The following BDNF variants were observed in gnomAD, a reference collection of about 807,000 sequenced individuals.
The protein encoded by BDNF is brain derived neurotrophic factor.
BDNF carries 1 observed loss-of-function variant against 19.5 expected under a neutral mutation model. The observed-to-expected ratio is 0.05, with a 90% CI of 0.02 to 0.24. The LOEUF (loss-of-function observed/expected upper bound fraction) is 0.24, where lower values mean the gene tolerates loss of function less well. Ranked by LOEUF, BDNF falls within the 10% of genes least tolerant of loss-of-function variation. The pLI, the probability that BDNF is intolerant of heterozygous loss-of-function variation, is 1.00. For missense variants in BDNF, 195 were observed against 317.6 expected (o/e 0.61, Z 2.93); for synonymous variants, 100 against 121.6 (o/e 0.82, Z 1.17).
chr11:27,705,952 G>A (rs1029007790), intron 1 of BDNF, among the ~76,000 whole-genome samples: 29 of 152,260 alleles, frequency 1.9e-4, no homozygotes, highest in African/African-American at 6.7e-4. Flanking sequence ...TTTAATCCAT[G>A]GTGACACTTG....
rs1171614246 is a variant in BDNF, at chr11:27,657,426, G to T, written c.*395C>A. 9.6e-7 allele frequency: 1 copy of T among 1,043,614 alleles called. No individual in the cohort carries two copies. The highest frequency in any genetic ancestry group is 3.4e-5 in the South Asian group (1 of 29,612). 64.6% of individuals were successfully genotyped at this position (1,043,614 alleles called of 1,614,324 possible). A position where few individuals can be genotyped will look rare whatever the true frequency, so the allele number is the denominator to read the frequency against. On this transcript the variant is annotated 3_prime_UTR_variant, in exon 2 of 2. Transcript: ENST00000356660. This position sits in a 1 kb window ranked among gnomAD's most constrained non-coding sequence, Gnocchi z 5.0. ...ATACTTACTGTCTAAAATGTAAACG[G>T]AATGTTTTGGTTCAAATTTTTGTTG...
chr11:27,670,028 C>G (rs937028958), intron 1 of BDNF, among the ~76,000 whole-genome samples: 14 of 152,138 alleles, frequency 9.2e-5, no homozygotes, highest in Non-Finnish European at 2.1e-4. Context: ...GCTACAGTAA[C>G]CAAAACAGCA....
At chr11:27,699,403 C>T in intron 1 of BDNF, 1 of 1,614,148 alleles carries the variant, frequency 6.2e-7, no homozygotes, top group South Asian at 1.1e-5. Flanking sequence ...CCCGGCTCTG[C>T]ATCCCCAGAG....
At chr11:27,718,354 A>ACCCCCCCCCCCCCCCCCCC (rs376255605) in intron 1 of BDNF, among the ~76,000 whole-genome samples, 8 of 101,108 alleles carry the variant, frequency 7.9e-5, no homozygotes, top group Non-Finnish European at 1.4e-4. Context: ...TCCGCACACC[A>ACCCCCCCCCCCCCCCCCCC]CCCCCCCCCG....
Position 27,658,175 on chromosome 11 carries a change from A to C in BDNF, c.390T>G (p.Ser130=). Residue 130 remains serine (S), a synonymous_variant, in exon 2 of 2, where the codon TCT becomes TCG. Coordinates refer to ENST00000356660, the MANE Select transcript of BDNF (RefSeq NM_001709.5). This position sits in a 1 kb window ranked among gnomAD's most constrained non-coding sequence, Gnocchi z 5.7. ...ANMSMRVRRH[S]DPARRGELSV... ...TCAGCTCCCCTCGGCGGGCAGGGTC[A>C]GAGTGGCGCCGGACCCTCATGGACA... 1 of 1,614,166 alleles carries C rather than the reference A, an allele frequency of 6.2e-7. No homozygotes were observed. The highest frequency in any genetic ancestry group is 8.5e-7 in the Non-Finnish European group (1 of 1,180,030).
chr11:27,669,357 T>C (rs1041746533), intron 1 of BDNF, among the ~76,000 whole-genome samples: 1 of 152,172 alleles, frequency 6.6e-6, no homozygotes, highest in Non-Finnish European at 1.5e-5. Context: ...AAAACAAGGA[T>C]GTCCTCTGTC....
chr11:27,690,681 C>G (rs1433411183), intron 1 of BDNF, among the ~76,000 whole-genome samples: 6 of 152,144 alleles, frequency 3.9e-5, no homozygotes, highest in African/African-American at 1.4e-4. Context: ...CAAAGAGATA[C>G]TGTTACTAAA....
At chr11:27,681,780 T>C (rs1413690165) in intron 1 of BDNF, among the ~76,000 whole-genome samples, 1 of 152,126 alleles carries the variant, frequency 6.6e-6, no homozygotes, top group Non-Finnish European at 1.5e-5. Context: ...GTGGCTGAAA[T>C]TCATTAAGCA....
chr11:27,666,154 CAG>C (rs201107956), intron 1 of BDNF, among the ~76,000 whole-genome samples: 17,222 of 152,136 alleles, frequency 0.11, 2,452 homozygotes, highest in African/African-American at 0.3. Flanking sequence ...CCCAAGCAAA[CAG>C]GGTCTGGAGT....
chr11:27,658,206 G>A lies in BDNF; in HGVS notation c.359C>T (p.Ala120Val). ...GCGCCGGACCCTCATGGACATGTTTGCAGCATCTAGGTAATTTTTGTATTC... is the reference window on the plus strand; with the variant it reads ...GCGCCGGACCCTCATGGACATGTTTACAGCATCTAGGTAATTTTTGTATTC... The part of the protein sequence containing the change: ...LEEYKNYLDA[A>V]NMSMRVRRHS... Residue 120 changes from alanine to valine, a missense_variant, in exon 2 of 2, where the codon GCA becomes GTA. This residue lies in a region of BDNF where 124 missense variants were observed against 155.0 expected (regional missense o/e 0.80). Transcript: ENST00000356660. This position sits in a 1 kb window ranked among gnomAD's most constrained non-coding sequence, Gnocchi z 5.7. 6.2e-7 allele frequency: 1 copy of A among 1,614,008 alleles called. No individual in the cohort carries two copies. Among genetic ancestry groups the A allele is most frequent in the Non-Finnish European group, 8.5e-7 (1 of 1,180,028 alleles).
intron 1 of BDNF, chr11:27,720,740 A>C: frequency 1.0e-6 from 1 of 986,036 alleles, no homozygotes; most frequent in Non-Finnish European, 1.2e-6. Flanking sequence ...CAGCAGGAGG[A>C]AAAGGCTTAA....
intron 1 of BDNF, among the ~76,000 whole-genome samples, chr11:27,670,599 G>T (rs1279061164): frequency 1.3e-5 from 2 of 152,080 alleles, no homozygotes; most frequent in Non-Finnish European, 2.9e-5. Context: ...GTGGGTGAAG[G>T]ATATGAACAG....
intron 1 of BDNF, among the ~76,000 whole-genome samples, chr11:27,668,008 A>G (rs1296741182): frequency 6.6e-6 from 1 of 152,188 alleles, no homozygotes; most frequent in Non-Finnish European, 1.5e-5. Flanking sequence ...AATTGACTAC[A>G]TAGTTGGAAG....
rs190951447 is a variant in BDNF at position 27,709,696 on chromosome 11, T to C, written c.3+11716A>G. Among the ~76,000 whole-genome samples, 175 of 152,292 alleles carry C rather than the reference T, an allele frequency of 1.1e-3. 2 individuals are homozygous for C. Among genetic ancestry groups the C allele is most frequent in the African/African-American group, 4.0e-3 (167 of 41,574 alleles). On this transcript the variant is annotated intron_variant, in intron 1 of 1. Transcript: ENST00000314915. Reference sequence around the variant, plus strand: ...GGCAAGCAACTTCACTAGCCCAAGATTGTTCAGATAGATATCGTAAGGGCC... The same window carrying C: ...GGCAAGCAACTTCACTAGCCCAAGACTGTTCAGATAGATATCGTAAGGGCC...
chr11:27,658,522 A>G lies in BDNF; in HGVS notation c.43T>C (p.Cys15Arg). 6.2e-7 allele frequency: 1 copy of G among 1,614,170 alleles called. No homozygotes were observed. Among genetic ancestry groups the G allele is most frequent in the South Asian group, 1.1e-5 (1 of 91,074 alleles). Reference sequence around the variant, plus strand: ...TCTTTCATGGGGGCAGCCTTCATGCAACCAAAGTATGAAATAACCATAGTA... The same window carrying G: ...TCTTTCATGGGGGCAGCCTTCATGCGACCAAAGTATGAAATAACCATAGTA... ...FLTMVISYFG[C>R]MKAAPMKEAN... is the part of the protein sequence containing the mutation. Residue 15 changes from cysteine to arginine, a missense_variant, in exon 2 of 2, where the codon TGC (cysteine) becomes CGC (arginine). Cys to Arg is a radical substitution (Grantham distance 180). Around this residue, in one of 2 missense-constraint regions of BDNF, gnomAD observed 124 missense variants for 155.0 expected, o/e 0.80. Coordinates refer to ENST00000356660, the MANE Select transcript of BDNF (RefSeq NM_001709.5). The surrounding 1 kb of genome is among the most constrained non-coding windows in gnomAD (Gnocchi z 5.7).
chr11:27,709,045 T>C (rs1162745257), intron 1 of BDNF, among the ~76,000 whole-genome samples: 1 of 151,900 alleles, frequency 6.6e-6, no homozygotes, highest in African/African-American at 2.4e-5. Flanking sequence ...GCCAGGCTGG[T>C]CTCGAACTCC....
intron 1 of BDNF, chr11:27,677,710 T>C (rs1442534443): frequency 2.6e-5 from 4 of 152,282 alleles, no homozygotes; most frequent in Admixed American, 1.3e-4. Flanking sequence ...GCAAGACTTT[T>C]CAGTGTAAAC....
chr11:27,707,508 G>A (rs1441485722), intron 1 of BDNF, among the ~76,000 whole-genome samples: 1 of 152,170 alleles, frequency 6.6e-6, no homozygotes, highest in African/African-American at 2.4e-5. Context: ...ATTGTCCAGG[G>A]ACTTTGTAAC....
intron 1 of BDNF, among the ~76,000 whole-genome samples, chr11:27,687,651 A>G (rs1857662561): frequency 6.6e-6 from 1 of 152,136 alleles, no homozygotes; most frequent in Non-Finnish European, 1.5e-5. Context: ...TTTTCCTTCT[A>G]ACAGTCAGGC....
Sources: allele counts gnomAD v4.1 joint callset (sites outside exome capture counted in the v4.1 genomes callset), GRCh38; gene constraint gnomAD v4.1.1; regional missense constraint gnomAD v4.1.1; non-coding constraint Gnocchi (gnomAD v3.1); transcripts MANE v1.5; gene names NCBI Gene and HGNC (gene_info 2026-07-23, HGNC 2026-07-21).